Variants in NSD3 observed in about 807,000 individuals in gnomAD.
The protein encoded by NSD3 is histone-lysine N-methyltransferase NSD3.
A neutral mutation model predicts 160.8 loss-of-function variants in NSD3; 24 were observed. The observed-to-expected ratio is 0.15, with a 90% CI of 0.11 to 0.21. The LOEUF is 0.21. NSD3 is among the 10% of genes least tolerant of loss of function. NSD3 has a pLI of 1.00. For missense variants in NSD3, 1,157 were observed against 1,735.9 expected, an observed-to-expected ratio of 0.67 and a Z score of 5.93; for synonymous variants, 520 against 600.0, an observed-to-expected ratio of 0.87 and a Z score of 1.95.
intron 19 of NSD3, among the ~76,000 whole-genome samples, chr8:38,285,815 T>C (rs1808841829): frequency 6.6e-6 from 1 of 152,232 alleles, no homozygotes; most frequent in Non-Finnish European, 1.5e-5. Context: ...TCCTGTTGGC[T>C]CTACCTTCAA....
intron 19 of NSD3, among the ~76,000 whole-genome samples, chr8:38,281,925 C>T (rs1033332873): frequency 7.9e-5 from 12 of 152,246 alleles, no homozygotes; most frequent in Non-Finnish European, 1.5e-4. Flanking sequence ...ATGCAGGTTT[C>T]GGGGTGAGAC....
intron 14 of NSD3, among the ~76,000 whole-genome samples, chr8:38,301,368 G>A (rs1426529270): frequency 1.3e-5 from 2 of 152,116 alleles, no homozygotes; most frequent in Non-Finnish European, 2.9e-5. Flanking sequence ...AGCTGAGGTC[G>A]GGAGTTTGAG....
chr8:38,365,270 A>G (rs965813193), intron 1 of NSD3, among the ~76,000 whole-genome samples: 14 of 152,194 alleles, frequency 9.2e-5, no homozygotes, highest in African/African-American at 3.4e-4. Flanking sequence ...CATGTTATAT[A>G]TCTTTCTCCT....
In NSD3 at chr8:38,270,243, A is replaced by C. The variant is rs1488743428; in HGVS notation, c.*5398T>G. ...GACTCAAGTCTCAAGTGATTTAGGCAAAGTAATGGTTCACAGGATCTACAA... is the reference window on the plus strand; with the variant it reads ...GACTCAAGTCTCAAGTGATTTAGGCCAAGTAATGGTTCACAGGATCTACAA... On this transcript the variant is annotated 3_prime_UTR_variant, in exon 24 of 24. Coordinates refer to ENST00000317025, the MANE Select transcript of NSD3 (RefSeq NM_023034.2). The C allele has an allele frequency of 6.6e-6, 1 of 152,250 alleles. No homozygotes were observed. Among genetic ancestry groups the C allele is most frequent in the African/African-American group, 2.4e-5 (1 of 41,462 alleles). The allele number at this position is 152,250 out of a possible 1,614,324, so 9.4% of individuals were successfully genotyped here.
chr8:38,287,635 A>C (rs1808895605), intron 19 of NSD3, among the ~76,000 whole-genome samples: 1 of 150,714 alleles, frequency 6.6e-6, no homozygotes, highest in Non-Finnish European at 1.5e-5. Context: ...ATTAGATGGC[A>C]TTTTAAAATT....
chr8:38,276,651 A>G (rs1057040255), intron 22 of NSD3, 151 bp from the exon 23 acceptor site: 1 of 744,400 alleles, frequency 1.3e-6, no homozygotes, highest in Non-Finnish European at 2.1e-6. Context: ...AACAAATACT[A>G]TAACAAAAAT....
In NSD3 at chr8:38,288,733, C is replaced by T. The variant is rs1463985800; in HGVS notation, c.3255G>A (p.Val1085=). Residue 1085 remains valine, a synonymous_variant, in exon 19 of 24, where the codon GTG becomes GTA. Coordinates refer to ENST00000317025, the MANE Select transcript of NSD3 (RefSeq NM_023034.2). This position sits in a 1 kb window ranked among gnomAD's most constrained non-coding sequence, Gnocchi z 4.5. Reference sequence around the variant, plus strand: ...CTGACAGGTCAGCAACCTGGATCTGCACCTTTCCTATTACTTTGTTAGCCT... The same window carrying T: ...CTGACAGGTCAGCAACCTGGATCTGTACCTTTCCTATTACTTTGTTAGCCT... ...HIKANKVIGK[V]QIQVADLSEI... The T allele has an allele frequency of 6.2e-7, 1 of 1,613,782 alleles. No homozygotes were observed. Among genetic ancestry groups the T allele is most frequent in the Non-Finnish European group, 8.5e-7 (1 of 1,179,676 alleles).
At position 38,348,031 on chromosome 8, in the gene NSD3, T is replaced by A. The variant is rs1311937354; in HGVS notation, c.141A>T (p.Thr47=). ...NSDIAEDGGQ[T]PYEATLQQGF... is the part of the protein sequence containing the mutation. ...CTTGCTGCAAAGTAGCTTCATATGG[T>A]GTCTGGCCACCATCTTCAGCAATGT... The change falls in exon 2 of 24, where the codon ACA becomes ACT. Residue 47 remains threonine, a synonymous_variant. Coordinates refer to ENST00000317025, the MANE Select transcript of NSD3 (RefSeq NM_023034.2). 6.2e-7 allele frequency: 1 copy of A among 1,614,204 alleles called. No homozygotes were observed. The highest frequency in any genetic ancestry group is 1.7e-5 in the Admixed American group (1 of 60,022).
chr8:38,331,313 G>A (rs1810055896), intron 5 of NSD3, 118 bp downstream of exon 5: 1 of 1,199,106 alleles, frequency 8.3e-7, no homozygotes, highest in Non-Finnish European at 1.1e-6. Flanking sequence ...TAAAACAGCT[G>A]AAAGGGGTTT....
chr8:38,354,587 A>G (rs754188144), intron 1 of NSD3, among the ~76,000 whole-genome samples: 4 of 152,218 alleles, frequency 2.6e-5, no homozygotes, highest in Non-Finnish European at 4.4e-5. Flanking sequence ...CAACTTTCAA[A>G]TGGTTGAGGA....
chr8:38,301,251 A>G (rs551631054), intron 14 of NSD3, among the ~76,000 whole-genome samples: 2 of 152,366 alleles, frequency 1.3e-5, no homozygotes, highest in East Asian at 3.9e-4. Context: ...AATTACAGGC[A>G]TGAGCCATGG....
At chr8:38,293,743 T>C (rs1055434477) in intron 16 of NSD3, among the ~76,000 whole-genome samples, 1 of 151,100 alleles carries the variant, frequency 6.6e-6, no homozygotes, top group Non-Finnish European at 1.5e-5. Flanking sequence ...GCCAACACAG[T>C]GAAACCCCGT....
Position 38,270,050 on chromosome 8 carries a change from A to C in NSD3, c.*5591T>G, listed in dbSNP as rs564182807. On this transcript the variant is annotated 3_prime_UTR_variant, in exon 24 of 24. Coordinates refer to ENST00000317025, the MANE Select transcript of NSD3 (RefSeq NM_023034.2). ...CAATCAACAAAATCCTCAAAATATT[A>C]TATATCTTGAAGTCTATGTGGCAAC... 1 of 152,330 alleles carries C rather than the reference A, an allele frequency of 6.6e-6. No individual in the cohort carries two copies. Among genetic ancestry groups the C allele is most frequent in the South Asian group, 2.1e-4 (1 of 4,828 alleles). 9.4% of individuals were successfully genotyped at this position (152,330 alleles called of 1,614,324 possible). A position where few individuals can be genotyped will look rare whatever the true frequency, so the allele number is the denominator to read the frequency against.
At chr8:38,324,236 C>T (rs532674131) in intron 7 of NSD3, among the ~76,000 whole-genome samples, 21 of 152,254 alleles carry the variant, frequency 1.4e-4, no homozygotes, top group Non-Finnish European at 1.5e-4. Context: ...GCTATTCACT[C>T]CCTCCTTTCT....
intron 2 of NSD3, among the ~76,000 whole-genome samples, chr8:38,344,870 C>T (rs1810474614): frequency 1.3e-5 from 2 of 152,070 alleles, no homozygotes; most frequent in Admixed American, 6.6e-5. Flanking sequence ...GGGCTGGGAC[C>T]CCTATGGACA....
At chr8:38,368,817 G>T (rs1811169162) in intron 1 of NSD3, among the ~76,000 whole-genome samples, 1 of 152,118 alleles carries the variant, frequency 6.6e-6, no homozygotes, top group African/African-American at 2.4e-5. Context: ...TGCTCACAAT[G>T]AAAATTACTA....
intron 1 of NSD3, among the ~76,000 whole-genome samples, chr8:38,369,619 C>A (rs773207406): frequency 6.6e-6 from 1 of 152,110 alleles, no homozygotes; most frequent in Non-Finnish European, 1.5e-5. Flanking sequence ...TACAGTTCTA[C>A]GCACACTCTA....
At chr8:38,282,723 T>C (rs1808759297) in intron 19 of NSD3, among the ~76,000 whole-genome samples, 3 of 152,166 alleles carry the variant, frequency 2.0e-5, no homozygotes, top group Admixed American at 1.3e-4. Context: ...TGGAATGATA[T>C]AGTACAGAAC....
At chr8:38,352,098 T>C (rs1424903220) in intron 1 of NSD3, among the ~76,000 whole-genome samples, 2 of 152,010 alleles carry the variant, frequency 1.3e-5, no homozygotes, top group Admixed American at 6.6e-5. Context: ...ATGCCTATTA[T>C]TAATAGATTA....
Sources: allele counts gnomAD v4.1 joint callset (sites outside exome capture counted in the v4.1 genomes callset), GRCh38; gene constraint gnomAD v4.1.1; non-coding constraint Gnocchi (gnomAD v3.1); transcripts MANE v1.5; gene names NCBI Gene and HGNC (gene_info 2026-07-23, HGNC 2026-07-21).